The following SMIM1 variants were observed in gnomAD, a reference collection of about 807,000 sequenced individuals.
SMIM1 encodes small integral membrane protein 1.
SMIM1 carries 7 observed loss-of-function variants against 7.7 expected under a neutral mutation model. The observed-to-expected ratio is 0.91, with a 90% CI of 0.52 to 1.71. SMIM1 has a LOEUF of 1.71. SMIM1 is among the 40% of genes most tolerant of loss of function. The pLI is 0.00. For missense variants in SMIM1, 95 were observed against 102.8 expected, an observed-to-expected ratio of 0.92 and a Z score of 0.33; for synonymous variants, 41 against 42.7, an observed-to-expected ratio of 0.96 and a Z score of 0.16.
In SMIM1 at chr1:3,775,488, G is replaced by T; in HGVS notation, c.110+5G>T. 6.5e-7 allele frequency: 1 copy of T among 1,547,958 alleles called. No individual in the cohort carries two copies. The highest frequency in any genetic ancestry group is 1.2e-5 in the South Asian group (1 of 83,892). ...AGAGGCCTCACGCTGCCGCAGGTGA[G>T]GGGCCTGAGGGCAGCCTGCCAGCCA... On this transcript the variant is annotated splice_donor_5th_base_variant and intron_variant, in intron 3 of 3. Transcript: ENST00000642557. The surrounding 1 kb of genome is among the most constrained non-coding windows in gnomAD (Gnocchi z 5.3).
rs886466642 is a variant in SMIM1 at position 3,775,194 on chromosome 1, C to T, written c.-75-105C>T. On this transcript the variant is annotated intron_variant, in intron 2 of 3. Transcript: ENST00000642557. This position sits in a 1 kb window ranked among gnomAD's most constrained non-coding sequence, Gnocchi z 5.3. ...TGTCTAGGTCACCTGTTAAGTCAGG[C>T]GACAGACCCGGTGAGGGAGTCAGCC... 4 of 534,812 alleles carry T rather than the reference C, an allele frequency of 7.5e-6. No individual in the cohort carries two copies. The highest frequency in any genetic ancestry group is 6.2e-5 in the East Asian group (2 of 32,306). The allele number at this position is 534,812 out of a possible 1,614,324, so 33.1% of individuals were successfully genotyped here.
intron 2 of SMIM1, 89 bp downstream of exon 2, chr1:3,773,270 C>T (rs138205958): frequency 1.9e-4 from 29 of 152,534 alleles, no homozygotes; most frequent in African/African-American, 6.5e-4. Context: ...TCACAAGCCC[C>T]CAGGAGGTGC....
In SMIM1 at chr1:3,775,459, C is replaced by G; in HGVS notation, c.86C>G (p.Thr29Arg). The change falls in exon 3 of 4, where the codon ACA (threonine) becomes AGA (arginine). Residue 29 changes from threonine to arginine, a missense_variant. Coordinates refer to ENST00000642557, the MANE Select transcript of SMIM1 (RefSeq NM_001288583.2). This position sits in a 1 kb window ranked among gnomAD's most constrained non-coding sequence, Gnocchi z 5.3. Reference protein sequence around the residue: ...DGVSLGAVSSTEEASRCRRIS... With the variant: ...DGVSLGAVSSREEASRCRRIS... ...GTCAGCCTAGGGGCTGTGTCCAGCA[C>G]AGAAGAGGCCTCACGCTGCCGCAGG... 6.5e-7 allele frequency: 1 copy of G among 1,550,244 alleles called. No homozygotes were observed. The highest frequency in any genetic ancestry group is 1.4e-5 in the African/African-American group (1 of 73,128).
intron 2 of SMIM1, among the ~76,000 whole-genome samples, chr1:3,773,822 T>A (rs1643418772): frequency 6.6e-6 from 1 of 152,138 alleles, no homozygotes; most frequent in Non-Finnish European, 1.5e-5. Flanking sequence ...GGGACCAGAA[T>A]GGGATTCTGC....
intron 2 of SMIM1, 67 bp downstream of exon 2, chr1:3,773,248 G>A (rs989497762): frequency 6.6e-6 from 1 of 152,320 alleles, no homozygotes; most frequent in African/African-American, 2.4e-5. Flanking sequence ...TGTACCTAGG[G>A]CCTTCCTGCA....
At chr1:3,773,643 C>T (rs1251430591) in intron 2 of SMIM1, among the ~76,000 whole-genome samples, 1 of 152,176 alleles carries the variant, frequency 6.6e-6, no homozygotes, top group Non-Finnish European at 1.5e-5. Context: ...CACGTCGAGT[C>T]TGGAAGAAGG....
rs1643430363 is a variant in SMIM1, at chr1:3,774,676, CCCCGG to C, written c.-75-619_-75-615del. On this transcript the variant is annotated intron_variant, in intron 2 of 3. Coordinates refer to ENST00000642557, the MANE Select transcript of SMIM1 (RefSeq NM_001288583.2). ...GGGCCTCCCCAAGGCCTTGAATCCA[CCCCGG>C]CCCCGTGCTCAGTGCATCATGCCCC... is the stretch of plus-strand genomic sequence containing the variant. 3.2e-5 allele frequency among the ~76,000 whole-genome samples: 4 copies of C among 126,066 alleles called. No individual in the cohort carries two copies. In the East Asian group the frequency reaches 3.9e-3, roughly 122 times the overall value. 82.7% of individuals were successfully genotyped at this position (126,066 alleles called of 152,430 possible). A position where few individuals can be genotyped will look rare whatever the true frequency, so the allele number is the denominator to read the frequency against.
At chr1:3,774,364 A>T (rs1186943597) in intron 2 of SMIM1, among the ~76,000 whole-genome samples, 1 of 151,824 alleles carries the variant, frequency 6.6e-6, no homozygotes, top group Non-Finnish European at 1.5e-5. Context: ...ACACCCCCTT[A>T]GGTAAATAGG....
chr1:3,775,601 C>T lies in SMIM1; in HGVS notation c.110+118C>T, dbSNP rs1643446332. On this transcript the variant is annotated intron_variant, in intron 3 of 3. Coordinates refer to ENST00000642557, the MANE Select transcript of SMIM1 (RefSeq NM_001288583.2). This position sits in a 1 kb window ranked among gnomAD's most constrained non-coding sequence, Gnocchi z 5.3. ...CTCCACCCCATCCTGGCTGGGAGCC[C>T]ACGGTCCAGCAGCTCAGCAAACCGC... The T allele has an allele frequency of 7.9e-7, 1 of 1,273,232 alleles. No homozygotes were observed. The highest frequency in any genetic ancestry group is 2.5e-5 in the East Asian group (1 of 39,292). 78.9% of individuals were successfully genotyped at this position (1,273,232 alleles called of 1,614,324 possible). A position where few individuals can be genotyped will look rare whatever the true frequency, so the allele number is the denominator to read the frequency against.
rs112694859 is a variant in SMIM1, at chr1:3,774,242, G to A, written c.-75-1057G>A. The stretch of plus-strand genomic sequence containing the variant: ...CTGCCCGAGGACCCCACTCCTGGGG[G>A]CCAGATGCTGAGAGGGGACACTGGG... On this transcript the variant is annotated intron_variant, in intron 2 of 3. Transcript: ENST00000642557. 8.7e-3 allele frequency among the ~76,000 whole-genome samples: 1,320 copies of A among 152,266 alleles called. 17 individuals are homozygous for A. Among genetic ancestry groups the A allele is most frequent in the African/African-American group, 0.03 (1,251 of 41,566 alleles).
chr1:3,775,680 T>G lies in SMIM1; in HGVS notation c.111-115T>G, dbSNP rs1489715633. ...TGGGCGGGGAGAGCTTCCTCTTGAC[T>G]CCAGCAGAGCGCCCAGGCCCCTCCC... is the stretch of plus-strand genomic sequence containing the variant. On this transcript the variant is annotated intron_variant, in intron 3 of 3. Transcript: ENST00000642557. This position sits in a 1 kb window ranked among gnomAD's most constrained non-coding sequence, Gnocchi z 5.3. 7.0e-7 allele frequency: 1 copy of G among 1,424,760 alleles called. No individual in the cohort carries two copies. The highest frequency in any genetic ancestry group is 2.6e-5 in the Admixed American group (1 of 38,986). 88.3% of individuals were successfully genotyped at this position (1,424,760 alleles called of 1,614,324 possible).
At chr1:3,774,529 G>A (rs1643428430) in intron 2 of SMIM1, among the ~76,000 whole-genome samples, 1 of 152,208 alleles carries the variant, frequency 6.6e-6, no homozygotes, top group African/African-American at 2.4e-5. Context: ...CGAGCTGAGT[G>A]CCGAGATGCA....
rs952739609 is a variant in SMIM1 at position 3,772,759 on chromosome 1, C to T, written c.-224C>T. 2.0e-4 allele frequency: 31 copies of T among 152,546 alleles called. No individual in the cohort carries two copies. Among genetic ancestry groups the T allele is most frequent in the African/African-American group, 5.5e-4 (23 of 41,580 alleles). The allele number at this position is 152,546 out of a possible 1,614,324, so 9.4% of individuals were successfully genotyped here. Reference sequence around the variant, plus strand: ...CCTCGCCCCCTGCCCAGGCCCGGCCCCTGCGGAGCCCAGAGACGCGGGGAC... The same window carrying T: ...CCTCGCCCCCTGCCCAGGCCCGGCCTCTGCGGAGCCCAGAGACGCGGGGAC... On this transcript the variant is annotated 5_prime_UTR_variant, in exon 1 of 4. Coordinates refer to ENST00000642557, the MANE Select transcript of SMIM1 (RefSeq NM_001288583.2).
rs1284186449 is a variant in SMIM1 at position 3,772,795 on chromosome 1, CGCGCGGGGTCCG to C, written c.-195+9_-195+20del. The C allele has an allele frequency of 2.6e-5, 4 of 152,332 alleles. No individual in the cohort carries two copies. The highest frequency in any genetic ancestry group is 2.6e-4 in the Admixed American group (4 of 15,268). 9.4% of individuals were successfully genotyped at this position (152,332 alleles called of 1,614,324 possible). ...CAGAGACGCGGGGACACAGGTGAGG[CGCGCGGGGTCCG>C]GGCTGCGGCTTCCCGGTGCGGCCGC... On this transcript the variant is annotated splice_region_variant and intron_variant, in intron 1 of 3. Coordinates refer to ENST00000642557, the MANE Select transcript of SMIM1 (RefSeq NM_001288583.2).
rs745390168 is a variant in SMIM1, at chr1:3,775,849, C to T, written c.165C>T (p.Gly55=). ...GKLGIAMKVL[G]GVALFWIIFI... is the part of the protein sequence containing the mutation. ...TGGGCATCGCCATGAAGGTGCTGGG[C>T]GGCGTGGCCCTCTTCTGGATCATCT... The change falls in exon 4 of 4, where the codon GGC becomes GGT. Residue 55 remains glycine (G), a synonymous_variant. Transcript: ENST00000642557. This position sits in a 1 kb window ranked among gnomAD's most constrained non-coding sequence, Gnocchi z 5.3. 2.3e-5 allele frequency: 36 copies of T among 1,550,804 alleles called. No individual in the cohort carries two copies. In the Admixed American group the frequency reaches 2.5e-4, roughly 11 times the overall value.
At position 3,775,562 on chromosome 1, in the gene SMIM1, C is replaced by T; in HGVS notation, c.110+79C>T. On this transcript the variant is annotated intron_variant, in intron 3 of 3. Coordinates refer to ENST00000642557, the MANE Select transcript of SMIM1 (RefSeq NM_001288583.2). This position sits in a 1 kb window ranked among gnomAD's most constrained non-coding sequence, Gnocchi z 5.3. ...GAGACGCCTGCCCTAACCCCTGCTA[C>T]CGGCCCCATCACCCTCCACCCCATC... 7.4e-7 allele frequency: 1 copy of T among 1,351,300 alleles called. No individual in the cohort carries two copies. The highest frequency in any genetic ancestry group is 1.0e-6 in the Non-Finnish European group (1 of 989,478). 83.7% of individuals were successfully genotyped at this position (1,351,300 alleles called of 1,614,324 possible). A position where few individuals can be genotyped will look rare whatever the true frequency, so the allele number is the denominator to read the frequency against.
At chr1:3,773,428 C>T (rs942819865) in intron 2 of SMIM1, among the ~76,000 whole-genome samples, 1 of 152,192 alleles carries the variant, frequency 6.6e-6, no homozygotes, top group Non-Finnish European at 1.5e-5. Context: ...GGCTGTGCAC[C>T]GGGGTGACTT....
At chr1:3,773,575 ATGC>A (rs1010424580) in intron 2 of SMIM1, among the ~76,000 whole-genome samples, 3 of 152,034 alleles carry the variant, frequency 2.0e-5, no homozygotes, top group African/African-American at 7.2e-5. Context: ...CCCGAGACTA[ATGC>A]TGCGTGGATG....
chr1:3,774,703 C>T (rs1476045110), intron 2 of SMIM1, among the ~76,000 whole-genome samples: 1 of 152,120 alleles, frequency 6.6e-6, no homozygotes, highest in African/African-American at 2.4e-5. Flanking sequence ...GTGCATCATG[C>T]CCCCCAAGCC....
Sources: gnomAD v4.1 joint callset for allele counts (sites outside exome capture counted in the v4.1 genomes callset) on GRCh38, gnomAD v4.1.1 for gene constraint, Gnocchi (gnomAD v3.1) non-coding constraint, MANE v1.5 for transcripts, NCBI Gene and HGNC (gene_info 2026-07-23, HGNC 2026-07-21) for gene names.